The following CYLD variants were observed in gnomAD, a reference collection of about 807,000 sequenced individuals.
CYLD encodes ubiquitin carboxyl-terminal hydrolase CYLD.
A neutral mutation model predicts 104.5 loss-of-function variants in CYLD; 26 were observed. The observed-to-expected ratio is 0.25, with a 90% CI of 0.18 to 0.35. The LOEUF (loss-of-function observed/expected upper bound fraction) is 0.35, where lower values mean the gene tolerates loss of function less well. Ranked by LOEUF, CYLD falls within the 10% of genes least tolerant of loss-of-function variation. CYLD has a pLI of 1.00. For missense variants in CYLD, 703 were observed against 1,136.1 expected (o/e 0.62, Z 5.48); for synonymous variants, 385 against 399.9 (o/e 0.96, Z 0.45).
chr16:50,784,091 C>T, intron 11 of CYLD: 5 of 449,644 alleles, frequency 1.1e-5, no homozygotes, highest in Non-Finnish European at 1.6e-5. Flanking sequence ...TGCCAATCTG[C>T]CGTTTGCTTT....
At chr16:50,775,971 A>C (rs1342004453) in intron 6 of CYLD, among the ~76,000 whole-genome samples, 1 of 152,246 alleles carries the variant, frequency 6.6e-6, no homozygotes, top group African/African-American at 2.4e-5. Flanking sequence ...ATTTTCTTAT[A>C]GAAATTACAT....
intron 5 of CYLD, among the ~76,000 whole-genome samples, chr16:50,773,658 T>C (rs1459638129): frequency 6.6e-6 from 1 of 152,212 alleles, no homozygotes; most frequent in Admixed American, 6.5e-5. Flanking sequence ...TTATCTTACC[T>C]TGCTTTCCAT....
At chr16:50,795,505 G>A in intron 18 of CYLD, 2 of 702,494 alleles carry the variant, frequency 2.8e-6, no homozygotes, top group Middle Eastern at 2.3e-4. Flanking sequence ...TGTGAGGTGT[G>A]ACTCTCATGT....
intron 5 of CYLD, among the ~76,000 whole-genome samples, chr16:50,766,348 C>A (rs950207907): frequency 6.6e-6 from 1 of 152,168 alleles, no homozygotes; most frequent in African/African-American, 2.4e-5. Context: ...ACTGTTGAGA[C>A]CTACTGCTCA....
intron 5 of CYLD, among the ~76,000 whole-genome samples, chr16:50,757,208 G>C (rs755246709): frequency 2.6e-5 from 4 of 151,306 alleles, no homozygotes; most frequent in Non-Finnish European, 5.9e-5. Context: ...CACTGTTTGC[G>C]CTTCCTGTTT....
chr16:50,747,086 C>A (rs1039392287), intron 2 of CYLD, among the ~76,000 whole-genome samples: 1 of 152,024 alleles, frequency 6.6e-6, no homozygotes, highest in Non-Finnish European at 1.5e-5. Flanking sequence ...TAAAGAGAAC[C>A]AAAACAACAG....
At chr16:50,757,725 A>G (rs1246161936) in intron 5 of CYLD, among the ~76,000 whole-genome samples, 1 of 151,990 alleles carries the variant, frequency 6.6e-6, no homozygotes, top group Non-Finnish European at 1.5e-5. Context: ...TTTAGTAGAG[A>G]TGGGGTTTCA....
rs1596980462 is a variant in CYLD, at chr16:50,754,393, A to G, written c.882A>G (p.Thr294=). 6.2e-7 allele frequency: 1 copy of G among 1,612,496 alleles called. No homozygotes were observed. Among genetic ancestry groups the G allele is most frequent in the South Asian group, 1.1e-5 (1 of 91,024 alleles). ...GTAGTTTTGCGTGTGTTGAAAGTAC[A>G]ATTCTATTGCACATCAATGATATCA... ...QLCSFACVES[T]ILLHINDIIP... Residue 294 remains threonine, a synonymous_variant, in exon 5 of 19, where the codon ACA becomes ACG. Transcript: ENST00000427738.
chr16:50,751,978 AAACATATATATACAC>A (rs1966664265), intron 4 of CYLD, 72 bp downstream of exon 4: 217 of 401,212 alleles, frequency 5.4e-4, no homozygotes, highest in Middle Eastern at 1.7e-3. Context: ...ATATATATAT[AAACATATATATACAC>A]ACATATATAT....
intron 5 of CYLD, among the ~76,000 whole-genome samples, chr16:50,756,641 C>G (rs1181286263): frequency 6.6e-6 from 1 of 152,160 alleles, no homozygotes; most frequent in African/African-American, 2.4e-5. Context: ...CCAACAGTGG[C>G]AGTCAGAGAT....
rs541160720 is a variant in CYLD, at chr16:50,797,260, T to A, written c.*752T>A. On this transcript the variant is annotated 3_prime_UTR_variant, in exon 19 of 19. Transcript: ENST00000427738. ...TCAGCTAACAGGTTTTTTAAGGCTT[T>A]TAACTATTAATATTTTATGGAATGG... is the stretch of plus-strand genomic sequence containing the variant. 4 of 232,566 alleles carry A rather than the reference T, an allele frequency of 1.7e-5. No individual in the cohort carries two copies. Among genetic ancestry groups the A allele is most frequent in the Non-Finnish European group, 2.6e-5 (3 of 117,598 alleles). 14.4% of individuals were successfully genotyped at this position (232,566 alleles called of 1,614,324 possible).
chr16:50,774,814 C>G (rs567964829), intron 5 of CYLD, among the ~76,000 whole-genome samples: 1 of 152,194 alleles, frequency 6.6e-6, no homozygotes, highest in South Asian at 2.1e-4. Flanking sequence ...TAACTGATAC[C>G]GTGGAAGGTA....
chr16:50,776,343 A>C, intron 7 of CYLD, 66 bp downstream of exon 7: 1 of 1,128,958 alleles, frequency 8.9e-7, no homozygotes. Context: ...AGCATTAAAA[A>C]AGATTATAAG....
intron 2 of CYLD, among the ~76,000 whole-genome samples, chr16:50,743,583 T>C (rs1965908067): frequency 6.6e-6 from 1 of 152,356 alleles, no homozygotes; most frequent in Non-Finnish European, 1.5e-5. Context: ...ACTGTGGTTT[T>C]GTTTGATTTA....
rs144667145 is a variant in CYLD, at chr16:50,799,578, A to G, written c.*3070A>G. The G allele has an allele frequency of 3.2e-3, 740 of 233,734 alleles. 10 individuals are homozygous for G. The highest frequency in any genetic ancestry group is 2.5e-3 in the Non-Finnish European group (292 of 118,006). 14.5% of individuals were successfully genotyped at this position (233,734 alleles called of 1,614,324 possible). A position where few individuals can be genotyped will look rare whatever the true frequency, so the allele number is the denominator to read the frequency against. ...AATTTCTGTTTGCCAAATGCTGTAG[A>G]TAAATGGCCAGATTCTTCCTATCCC... On this transcript the variant is annotated 3_prime_UTR_variant, in exon 19 of 19. Transcript: ENST00000427738.
At chr16:50,765,979 A>G (rs1460015974) in intron 5 of CYLD, among the ~76,000 whole-genome samples, 1 of 152,362 alleles carries the variant, frequency 6.6e-6, no homozygotes, top group East Asian at 1.9e-4. Flanking sequence ...AAGTGCTGAT[A>G]TAGAAACTGC....
intron 5 of CYLD, among the ~76,000 whole-genome samples, chr16:50,774,793 T>C (rs1227694033): frequency 2.0e-5 from 3 of 152,226 alleles, no homozygotes; most frequent in African/African-American, 7.2e-5. Context: ...TGGACAGTGG[T>C]TGACTGTGGG....
intron 11 of CYLD, among the ~76,000 whole-genome samples, chr16:50,783,320 G>T (rs992361185): frequency 2.0e-5 from 3 of 152,062 alleles, no homozygotes; most frequent in African/African-American, 4.8e-5. Context: ...ATTGAGAGTA[G>T]CCTGCCAGTT....
Position 50,751,589 on chromosome 16 carries a change from T to C in CYLD, c.505-15T>C, listed in dbSNP as rs371024626. 6.2e-7 allele frequency: 1 copy of C among 1,612,652 alleles called. No individual in the cohort carries two copies. The highest frequency in any genetic ancestry group is 1.3e-5 in the African/African-American group (1 of 74,846). ...TTTCTATATCTATTTCTTTCCCTTC[T>C]CTCTTAAAAACTAGGAAGAAGGTCG... is the stretch of plus-strand genomic sequence containing the variant. On this transcript the variant is annotated splice_polypyrimidine_tract_variant and intron_variant, in intron 3 of 18. Coordinates refer to ENST00000427738, the MANE Select transcript of CYLD (RefSeq NM_001378743.1).
Sources: gnomAD v4.1 joint callset for allele counts (sites outside exome capture counted in the v4.1 genomes callset) on GRCh38, gnomAD v4.1.1 for gene constraint, MANE v1.5 for transcripts, NCBI Gene and HGNC (gene_info 2026-07-23, HGNC 2026-07-21) for gene names.